ERBB4: variants seen among roughly 807,000 people sequenced by gnomAD.
ERBB4 encodes the protein erb-b2 receptor tyrosine kinase 4, also known as receptor tyrosine-protein kinase erbB-4.
ERBB4 carries 42 observed loss-of-function variants against 158.0 expected under a neutral mutation model. The observed-to-expected ratio is 0.27, with a 90% CI of 0.21 to 0.34. The LOEUF (loss-of-function observed/expected upper bound fraction) is 0.34. Among genes scored for constraint, ERBB4 ranks in the 10% least tolerant of loss-of-function variants. ERBB4 has a pLI of 1.00. For missense variants in ERBB4, 1,333 were observed against 1,624.1 expected, an observed-to-expected ratio of 0.82 and a Z score of 3.08; for synonymous variants, 583 against 558.7, an observed-to-expected ratio of 1.04 and a Z score of -0.61.
intron 16 of ERBB4, among the ~76,000 whole-genome samples, chr2:211,648,617 T>G (rs1394170833): frequency 6.6e-6 from 1 of 151,794 alleles, no homozygotes; most frequent in East Asian, 1.9e-4. Context: ...TGTTTGACTG[T>G]ATCAACAGTG....
intron 1 of ERBB4, among the ~76,000 whole-genome samples, chr2:212,289,797 T>C (rs1475514846): frequency 1.3e-5 from 2 of 152,154 alleles, no homozygotes; most frequent in Admixed American, 6.5e-5. Context: ...AGTAGAATTA[T>C]TTTGAAAAAA....
At position 212,061,453 on chromosome 2, in the gene ERBB4, C is replaced by CAAAA. The variant is rs754237880; in HGVS notation, c.234+63295_234+63298dup. Among the ~76,000 whole-genome samples the CAAAA allele has an allele frequency of 1.9e-3, 44 of 22,834 alleles. 5 individuals are homozygous for CAAAA. Among genetic ancestry groups the CAAAA allele is most frequent in the Non-Finnish European group, 3.0e-3 (38 of 12,830 alleles). The allele number at this position is 22,834 out of a possible 152,430, so 15.0% of individuals were successfully genotyped here. A position where few individuals can be genotyped will look rare whatever the true frequency, so the allele number is the denominator to read the frequency against. ...GGGTGACAGAGTGAGACTCTGTCTCCAAAAAAAAAAAAAAAAAAAAAAAAA... is the reference window on the plus strand; with the variant it reads ...GGGTGACAGAGTGAGACTCTGTCTCCAAAAAAAAAAAAAAAAAAAAAAAAAAAAA... On this transcript the variant is annotated intron_variant, in intron 2 of 27. Transcript: ENST00000342788.
intron 1 of ERBB4, among the ~76,000 whole-genome samples, chr2:212,376,817 A>G (rs995864747): frequency 6.6e-6 from 1 of 152,036 alleles, no homozygotes. Flanking sequence ...AGCAAAGCTT[A>G]TATTTTTATC....
intron 25 of ERBB4, among the ~76,000 whole-genome samples, chr2:211,390,506 C>A (rs757086722): frequency 3.3e-5 from 5 of 152,152 alleles, no homozygotes; most frequent in Non-Finnish European, 7.3e-5. Context: ...ATTGATTGCA[C>A]ATTTTGCATT....
intron 17 of ERBB4, 139 bp from the exon 18 acceptor site, chr2:211,624,183 C>A (rs1043841606): frequency 9.7e-6 from 9 of 928,558 alleles, no homozygotes; most frequent in Non-Finnish European, 1.5e-5. Flanking sequence ...ACAACCAATA[C>A]CTTCGTAATA....
chr2:211,490,633 A>C (rs981128096), intron 20 of ERBB4, among the ~76,000 whole-genome samples: 4 of 152,070 alleles, frequency 2.6e-5, no homozygotes, highest in Non-Finnish European at 5.9e-5. Flanking sequence ...CTGGAGGATT[A>C]ACACCAACTC....
chr2:212,352,543 GTA>G (rs1404732746), intron 1 of ERBB4, among the ~76,000 whole-genome samples: 2 of 152,050 alleles, frequency 1.3e-5, no homozygotes, highest in Admixed American at 1.3e-4. Flanking sequence ...GTATGCAAAT[GTA>G]TATGTGTAAA....
chr2:211,509,205 G>A (rs1369637165), intron 20 of ERBB4, among the ~76,000 whole-genome samples: 1 of 151,988 alleles, frequency 6.6e-6, no homozygotes, highest in East Asian at 1.9e-4. Flanking sequence ...GACAAGGGGA[G>A]GGAGAGGATT....
intron 1 of ERBB4, among the ~76,000 whole-genome samples, chr2:212,134,814 G>T (rs144744159): frequency 6.6e-6 from 1 of 151,258 alleles, no homozygotes; most frequent in Admixed American, 6.6e-5. Flanking sequence ...CTCCCCAGGA[G>T]CTGGGACTAC....
At chr2:212,024,141 CTT>C (rs1475873551) in intron 2 of ERBB4, among the ~76,000 whole-genome samples, 3 of 151,772 alleles carry the variant, frequency 2.0e-5, no homozygotes, top group Non-Finnish European at 4.4e-5. Context: ...TGACTTAAAT[CTT>C]TGTATTTCAA....
At chr2:211,901,990 T>A (rs963981188) in intron 3 of ERBB4, among the ~76,000 whole-genome samples, 1 of 152,180 alleles carries the variant, frequency 6.6e-6, no homozygotes, top group Admixed American at 6.6e-5. Flanking sequence ...TTATTTGTCA[T>A]AATTTTTCTT....
intron 1 of ERBB4, among the ~76,000 whole-genome samples, chr2:212,479,076 T>C (rs1689551815): frequency 6.6e-6 from 1 of 152,174 alleles, no homozygotes; most frequent in South Asian, 2.1e-4. Flanking sequence ...TATGGCTGAC[T>C]CTATTAAAAT....
At chr2:211,407,468 T>TAAACA (rs1313275643) in intron 25 of ERBB4, among the ~76,000 whole-genome samples, 2 of 152,212 alleles carry the variant, frequency 1.3e-5, no homozygotes, top group East Asian at 3.8e-4. Context: ...TGAATGTTGC[T>TAAACA]AAACAATTGT....
At chr2:212,420,077 C>T (rs1001585196) in intron 1 of ERBB4, among the ~76,000 whole-genome samples, 1 of 151,954 alleles carries the variant, frequency 6.6e-6, no homozygotes, top group Non-Finnish European at 1.5e-5. Flanking sequence ...GAATATGACA[C>T]ATTCATGCCT....
intron 20 of ERBB4, among the ~76,000 whole-genome samples, chr2:211,488,097 C>G (rs1320131932): frequency 1.3e-5 from 2 of 151,748 alleles, no homozygotes; most frequent in Non-Finnish European, 2.9e-5. Flanking sequence ...AAAATACTAA[C>G]AGAGCAGTAT....
intron 1 of ERBB4, among the ~76,000 whole-genome samples, chr2:212,499,344 G>C (rs910795283): frequency 1.3e-5 from 2 of 151,868 alleles, no homozygotes; most frequent in Admixed American, 6.6e-5. Flanking sequence ...ATCCTTTCTT[G>C]TTTCATAGTG....
At chr2:212,144,543 T>C (rs1203706856) in intron 1 of ERBB4, among the ~76,000 whole-genome samples, 1 of 152,248 alleles carries the variant, frequency 6.6e-6, no homozygotes, top group Non-Finnish European at 1.5e-5. Flanking sequence ...CCTCAACTAT[T>C]GCCTAAAGGA....
intron 1 of ERBB4, among the ~76,000 whole-genome samples, chr2:212,482,371 T>C (rs555893391): frequency 1.3e-5 from 2 of 152,288 alleles, no homozygotes; most frequent in South Asian, 2.1e-4. Context: ...TAAGAGGAAA[T>C]GTGGTATATC....
chr2:212,101,755 C>T (rs2079090213), intron 2 of ERBB4, among the ~76,000 whole-genome samples: 1 of 151,788 alleles, frequency 6.6e-6, no homozygotes, highest in African/African-American at 2.4e-5. Flanking sequence ...AAAAAAATTA[C>T]TTCTACATAG....
Sources: allele counts gnomAD v4.1 joint callset (sites outside exome capture counted in the v4.1 genomes callset), GRCh38; gene constraint gnomAD v4.1.1; transcripts MANE v1.5; gene names NCBI Gene and HGNC (gene_info 2026-07-23, HGNC 2026-07-21).